The following BTBD17 variants were observed in gnomAD, a reference collection of about 807,000 sequenced individuals.
BTBD17 encodes BTB/POZ domain-containing protein 17.
Under a neutral mutation model 36.9 loss-of-function variants are expected in BTBD17, and 26 were observed. That is an observed-to-expected ratio of 0.70 (90% CI 0.52 to 0.98). BTBD17 has a LOEUF of 0.98. Ranked by LOEUF, BTBD17 falls within the 50% of genes least tolerant of loss-of-function variation. BTBD17 has a pLI of 0.00. For missense variants in BTBD17, 630 were observed against 691.3 expected (o/e 0.91, Z 0.99); for synonymous variants, 341 against 338.0 (o/e 1.01, Z -0.10).
rs546336535 is a variant in BTBD17 at position 74,356,510 on chromosome 17, C to T, written c.*147G>A. Reference sequence around the variant, plus strand: ...TTGAAACCAGGCATCTTGTCTACCACGCCTCACCTGGACTCCACCCCAGCC... The same window carrying T: ...TTGAAACCAGGCATCTTGTCTACCATGCCTCACCTGGACTCCACCCCAGCC... On this transcript the variant is annotated 3_prime_UTR_variant, in exon 3 of 3. Coordinates refer to ENST00000375366, the MANE Select transcript of BTBD17 (RefSeq NM_001080466.2). This position sits in a 1 kb window ranked among gnomAD's most constrained non-coding sequence, Gnocchi z 4.3. 5 of 1,258,750 alleles carry T rather than the reference C, an allele frequency of 4.0e-6. No homozygotes were observed. Among genetic ancestry groups the T allele is most frequent in the Admixed American group, 8.3e-5 (2 of 24,174 alleles). The allele number at this position is 1,258,750 out of a possible 1,614,324, so 78.0% of individuals were successfully genotyped here. A position where few individuals can be genotyped will look rare whatever the true frequency, so the allele number is the denominator to read the frequency against.
chr17:74,362,583 C>A (rs988878382), upstream of BTBD17, among the ~76,000 whole-genome samples: 1 of 152,230 alleles, frequency 6.6e-6, no homozygotes, highest in Non-Finnish European at 1.5e-5. Flanking sequence ...CACCCTGCCC[C>A]GTGCACCACT....
intron 1 of BTBD17, 101 bp from the exon 2 acceptor site, chr17:74,360,346 G>C (rs749097386): frequency 3.2e-6 from 4 of 1,260,314 alleles, no homozygotes; most frequent in Non-Finnish European, 4.4e-6. Flanking sequence ...GCATGGGTGT[G>C]AGCAGAGGGC....
Position 74,360,228 on chromosome 17 carries a change from C to T in BTBD17, c.103G>A (p.Gly35Ser). The T allele has an allele frequency of 6.2e-7, 1 of 1,605,682 alleles. No individual in the cohort carries two copies. Among genetic ancestry groups the T allele is most frequent in the Non-Finnish European group, 8.5e-7 (1 of 1,175,128 alleles). The change falls in exon 2 of 3, where the codon GGC becomes AGC. Residue 35 changes from glycine to serine, a missense_variant. Coordinates refer to ENST00000375366, the MANE Select transcript of BTBD17 (RefSeq NM_001080466.2). ...ATGGAGGTGCCAGCTGCCTCCCCGC[C>T]AACATCGGCTCTCTGTGCTGCAGCA... ...VTHAAQRADV[G>S]GEAAGTSINH...
At position 74,359,927 on chromosome 17, in the gene BTBD17, G is replaced by A. The variant is rs761342282; in HGVS notation, c.362+42C>T. The A allele has an allele frequency of 1.1e-5, 17 of 1,579,666 alleles. No homozygotes were observed. In the South Asian group the frequency reaches 1.5e-4, roughly 14 times the overall value. On this transcript the variant is annotated intron_variant, in intron 2 of 2. Coordinates refer to ENST00000375366, the MANE Select transcript of BTBD17 (RefSeq NM_001080466.2). ...CCTGTAGGTGGAGGAGCCGGGGGCT[G>A]AGGAAGGGATGAAGCCATCCCCTAG...
chr17:74,360,385 A>C (rs999226354), intron 1 of BTBD17, 140 bp from the exon 2 acceptor site: 4 of 841,494 alleles, frequency 4.8e-6, no homozygotes, highest in Non-Finnish European at 5.5e-6. Context: ...TTGTATGTGC[A>C]TACCTGTTTG....
chr17:74,359,954 C>A lies in BTBD17; in HGVS notation c.362+15G>T, dbSNP rs990475386. ...GGAAGGGATGAAGCCATCCCCTAGTCTTCCGCGTCCCCACCTGATGAACTT... is the reference window on the plus strand; with the variant it reads ...GGAAGGGATGAAGCCATCCCCTAGTATTCCGCGTCCCCACCTGATGAACTT... On this transcript the variant is annotated intron_variant, in intron 2 of 2. Coordinates refer to ENST00000375366, the MANE Select transcript of BTBD17 (RefSeq NM_001080466.2). 6.3e-7 allele frequency: 1 copy of A among 1,599,046 alleles called. No homozygotes were observed. Among genetic ancestry groups the A allele is most frequent in the African/African-American group, 1.3e-5 (1 of 74,854 alleles).
In BTBD17 at chr17:74,358,089, C is replaced by A. The variant is rs142195343; in HGVS notation, c.363-358G>T. Among the ~76,000 whole-genome samples the A allele has an allele frequency of 5.4e-4, 82 of 152,244 alleles. No individual in the cohort carries two copies. In the East Asian group the frequency reaches 0.014, roughly 26 times the overall value. ...GCCTTCTCCTTGCCATGAGTCTGGG[C>A]AAGTCACTTAACTTCAGTGAACCTT... On this transcript the variant is annotated intron_variant, in intron 2 of 2. Transcript: ENST00000375366.
chr17:74,356,522 A>C lies in BTBD17; in HGVS notation c.*135T>G, dbSNP rs900555551. 2 of 1,300,322 alleles carry C rather than the reference A, an allele frequency of 1.5e-6. No homozygotes were observed. The highest frequency in any genetic ancestry group is 2.0e-6 in the Non-Finnish European group (2 of 1,018,616). The allele number at this position is 1,300,322 out of a possible 1,614,324, so 80.5% of individuals were successfully genotyped here. ...ATCTTGTCTACCACGCCTCACCTGGACTCCACCCCAGCCCTAGGGTGGCCG... is the reference window on the plus strand; with the variant it reads ...ATCTTGTCTACCACGCCTCACCTGGCCTCCACCCCAGCCCTAGGGTGGCCG... On this transcript the variant is annotated 3_prime_UTR_variant, in exon 3 of 3. Transcript: ENST00000375366. This position sits in a 1 kb window ranked among gnomAD's most constrained non-coding sequence, Gnocchi z 4.3.
chr17:74,361,921 C>T, upstream of BTBD17: 1 of 914,860 alleles, frequency 1.1e-6, no homozygotes, highest in Non-Finnish European at 1.6e-6. Flanking sequence ...GGGGACGGCA[C>T]CCCCCTTCCT....
chr17:74,356,945 G>T lies in BTBD17; in HGVS notation c.1149C>A (p.Ala383=). The T allele has an allele frequency of 8.6e-6, 12 of 1,394,072 alleles. No individual in the cohort carries two copies. Among genetic ancestry groups the T allele is most frequent in the Non-Finnish European group, 1.1e-5 (12 of 1,086,600 alleles). The allele number at this position is 1,394,072 out of a possible 1,614,324, so 86.4% of individuals were successfully genotyped here. The part of the protein sequence containing the change: ...YADAAGTALP[A]ARPEDGRPRL... ...GCGGTCGGCCGTCCTCCGGGCGCGC[G>T]GCGGGCAGAGCAGTGCCCGCGGCGT... The change falls in exon 3 of 3, where the codon GCC becomes GCA. Residue 383 remains alanine, a synonymous_variant. Transcript: ENST00000375366. This position sits in a 1 kb window ranked among gnomAD's most constrained non-coding sequence, Gnocchi z 4.3.
chr17:74,359,183 C>T (rs1036888686), intron 2 of BTBD17, among the ~76,000 whole-genome samples: 2 of 151,956 alleles, frequency 1.3e-5, no homozygotes, highest in Non-Finnish European at 2.9e-5. Flanking sequence ...CCAAACCTGG[C>T]CAAACACCAA....
rs1291236245 is a variant in BTBD17 at position 74,357,301 on chromosome 17, G to A, written c.793C>T (p.Leu265=). 1.9e-6 allele frequency: 3 copies of A among 1,559,116 alleles called. No homozygotes were observed. In the Admixed American group the frequency reaches 5.7e-5, roughly 29 times the overall value. The part of the protein sequence containing the change: ...IRYPMIPPAQ[L]FQLQARSAAL... ...GCCGAGCGCGCCTGCAGCTGGAACAGCTGTGCCGGTGGGATCATGGGGTAG... is the reference window on the plus strand; with the variant it reads ...GCCGAGCGCGCCTGCAGCTGGAACAACTGTGCCGGTGGGATCATGGGGTAG... Residue 265 remains leucine, a synonymous_variant, in exon 3 of 3, where the codon CTG becomes TTG. Transcript: ENST00000375366. This position sits in a 1 kb window ranked among gnomAD's most constrained non-coding sequence, Gnocchi z 8.4.
chr17:74,356,564 G>C lies in BTBD17; in HGVS notation c.*93C>G. ...GGGTGGCCGGCGCCTGGCCATCCAG[G>C]GGACCAGGCTTGTTGCCACCTCCAG... On this transcript the variant is annotated 3_prime_UTR_variant, in exon 3 of 3. Transcript: ENST00000375366. This position sits in a 1 kb window ranked among gnomAD's most constrained non-coding sequence, Gnocchi z 4.3. The C allele has an allele frequency of 4.4e-6, 6 of 1,353,400 alleles. No homozygotes were observed. Among genetic ancestry groups the C allele is most frequent in the Non-Finnish European group, 5.7e-6 (6 of 1,049,558 alleles). The allele number at this position is 1,353,400 out of a possible 1,614,324, so 83.8% of individuals were successfully genotyped here. A position where few individuals can be genotyped will look rare whatever the true frequency, so the allele number is the denominator to read the frequency against.
upstream of BTBD17, among the ~76,000 whole-genome samples, chr17:74,362,220 A>G (rs1365863334): frequency 6.6e-6 from 1 of 152,038 alleles, no homozygotes; most frequent in East Asian, 1.9e-4. Context: ...CCCTCCCCCA[A>G]CCCCAGGCCT....
upstream of BTBD17, among the ~76,000 whole-genome samples, chr17:74,362,909 A>C (rs2054948814): frequency 6.6e-6 from 1 of 152,058 alleles, no homozygotes. Context: ...GCTCTTCTAA[A>C]AACAAAGGCA....
At position 74,356,720 on chromosome 17, in the gene BTBD17, G is replaced by A. The variant is rs201446401; in HGVS notation, c.1374C>T (p.Asn458=). ...QRRNSEYLVE[N]ALHLHLIVKP... ...TGACGATGAGGTGCAGGTGCAGGGC[G>A]TTCTCAACCAGGTACTCGGAGTTGC... The change falls in exon 3 of 3, where the codon AAC becomes AAT. Residue 458 remains asparagine (N), a synonymous_variant. Transcript: ENST00000375366. This position sits in a 1 kb window ranked among gnomAD's most constrained non-coding sequence, Gnocchi z 4.3. 6 of 1,598,426 alleles carry A rather than the reference G, an allele frequency of 3.8e-6. No homozygotes were observed. The highest frequency in any genetic ancestry group is 1.4e-5 in the African/African-American group (1 of 73,918).
rs755695466 is a variant in BTBD17, at chr17:74,357,358, C to T, written c.736G>A (p.Ala246Thr). 3.2e-6 allele frequency: 5 copies of T among 1,550,432 alleles called. No homozygotes were observed. In the African/African-American group the frequency reaches 6.9e-5, roughly 21 times the overall value. The change falls in exon 3 of 3, where the codon GCC (alanine) becomes ACC (threonine). Residue 246 changes from alanine to threonine, a missense_variant. Transcript: ENST00000375366. The surrounding 1 kb of genome is among the most constrained non-coding windows in gnomAD (Gnocchi z 8.4). Reference sequence around the variant, plus strand: ...GCGCGCAGCGCCCGCTCGGCCACGGCAGGGGGCGGCCGCGCGCGACCCAGC... The same window carrying T: ...GCGCGCAGCGCCCGCTCGGCCACGGTAGGGGGCGGCCGCGCGCGACCCAGC... ...AWLGRARPPPAVAERALRAIR... is the reference protein window; with the variant it reads ...AWLGRARPPPTVAERALRAIR...
rs1244011099 is a variant in BTBD17 at position 74,357,655 on chromosome 17, C to T, written c.439G>A (p.Val147Met). Residue 147 changes from valine to methionine, a missense_variant, in exon 3 of 3, where the codon GTG (valine) becomes ATG (methionine). By Grantham distance (21) the Val-to-Met change is conservative. Transcript: ENST00000375366. The surrounding 1 kb of genome is among the most constrained non-coding windows in gnomAD (Gnocchi z 8.4). The stretch of plus-strand genomic sequence containing the variant: ...GCCACGCCGCGCTGCAGGGAGGACA[C>T]GCCGTACTTGGTGGCCAGTCTGTGC... ...PLHRLATKYG[V>M]SSLQRGVADY... 3.9e-6 allele frequency: 6 copies of T among 1,550,354 alleles called. No homozygotes were observed. The African/African-American group carries it at 5.5e-5, about 14-fold the overall frequency.
intron 2 of BTBD17, among the ~76,000 whole-genome samples, chr17:74,359,578 A>T (rs1400915632): frequency 2.0e-5 from 3 of 152,114 alleles, no homozygotes; most frequent in Non-Finnish European, 2.9e-5. Flanking sequence ...TAGTAGAGAC[A>T]GGGTTTCACC....
Sources: gnomAD v4.1 joint callset for allele counts (sites outside exome capture counted in the v4.1 genomes callset) on GRCh38, gnomAD v4.1.1 for gene constraint, Gnocchi (gnomAD v3.1) non-coding constraint, MANE v1.5 for transcripts, NCBI Gene and HGNC (gene_info 2026-07-23, HGNC 2026-07-21) for gene names.